The following MAP7D3 variants were observed in gnomAD, a reference collection of about 807,000 sequenced individuals.
MAP7D3 encodes MAP7 domain containing 3, also known as MAP7 domain-containing protein 3.
MAP7D3 carries 45 observed loss-of-function variants against 62.2 expected under a neutral mutation model. The observed-to-expected ratio is 0.72, with a 90% CI of 0.57 to 0.93. The LOEUF is 0.93. MAP7D3 is among the 40% of genes least tolerant of loss of function. MAP7D3 has a pLI of 0.00. For synonymous variants in MAP7D3, 288 were observed against 248.8 expected, an observed-to-expected ratio of 1.16 and a Z score of -1.48; for missense variants, 711 against 683.1, an observed-to-expected ratio of 1.04 and a Z score of -0.45.
chrX:136,235,641 C>T (rs1247953776), intron 7 of MAP7D3, among the ~76,000 whole-genome samples: 7 of 110,529 alleles, frequency 6.3e-5, no homozygotes, highest in African/African-American at 2.3e-4. Context: ...CCCAGCTACT[C>T]GGGAAGCTGA....
At chrX:136,251,626 G>A (rs2074515721), upstream of MAP7D3, 3 of 732,232 alleles carry the variant, frequency 4.1e-6, no homozygotes, top group Non-Finnish European at 4.9e-6. Context: ...ACTGCATTGT[G>A]AGGACTAGCC....
chrX:136,244,867 C>A (rs2074430164), intron 3 of MAP7D3, 72 bp from the exon 4 acceptor site: 2 of 786,262 alleles, frequency 2.5e-6, no homozygotes, highest in South Asian at 2.6e-5. Flanking sequence ...ATTACACACA[C>A]AGAAGGAAAA....
At chrX:136,214,007 G>A (rs2074046463), downstream of MAP7D3, 1 of 111,449 alleles carries the variant, frequency 9.0e-6, no homozygotes, top group African/African-American at 3.3e-5. Flanking sequence ...GTGTTGTGGT[G>A]TGTGCCTGTA....
At position 136,241,232 on chromosome X, in the gene MAP7D3, G is replaced by C. The variant is rs369377574; in HGVS notation, c.463C>G (p.Leu155Val). The change falls in exon 5 of 19, where the codon CTT becomes GTT. Residue 155 changes from leucine to valine, a missense_variant. Physicochemically the swap from Leu to Val is conservative, Grantham distance 32. Transcript: ENST00000316077. ...CTTTTTTGCTGATAATCATCAGCAA[G>C]TCTCCTCCGTTCCAAAGTACGATAA... Reference protein sequence around the residue: ...ILYRTLERRRLADDYQQKRWS... With the variant: ...ILYRTLERRRVADDYQQKRWS... 8.5e-7 allele frequency: 1 copy of C among 1,179,701 alleles called. No homozygotes were observed. The highest frequency in any genetic ancestry group is 1.8e-5 in the African/African-American group (1 of 55,993).
chrX:136,225,518 G>T (rs1200719663), intron 13 of MAP7D3, among the ~76,000 whole-genome samples: 1 of 111,721 alleles, frequency 9.0e-6, no homozygotes, highest in Non-Finnish European at 1.9e-5. Context: ...CCTGCACCTT[G>T]GCCTCTCAAA....
chrX:136,216,601 AAAAC>A (rs764525086), downstream of MAP7D3, among the ~76,000 whole-genome samples: 12 of 109,772 alleles, frequency 1.1e-4, no homozygotes, highest in African/African-American at 1.7e-4. Context: ...CCTTGTCTCT[AAAAC>A]AAACAAACAA....
intron 1 of MAP7D3, among the ~76,000 whole-genome samples, chrX:136,250,556 C>A (rs1412263720): frequency 8.9e-6 from 1 of 111,855 alleles, no homozygotes; most frequent in Non-Finnish European, 1.9e-5. Flanking sequence ...AGATGTCCCA[C>A]AGAAGATGAC....
intron 15 of MAP7D3, among the ~76,000 whole-genome samples, 163 bp from the exon 16 acceptor site, chrX:136,221,126 T>C (rs2074122558): frequency 9.2e-6 from 1 of 108,272 alleles, no homozygotes; most frequent in Non-Finnish European, 1.9e-5. Context: ...AGTCACAGAG[T>C]TTCCCAAGCC....
chrX:136,222,371 T>C (rs554895160), intron 15 of MAP7D3, 22 bp downstream of exon 15: 31 of 1,150,382 alleles, frequency 2.7e-5, no homozygotes, highest in African/African-American at 2.1e-4. Context: ...CTAAGCAGTC[T>C]AGCTCCTAAA....
rs1023099662 is a variant in MAP7D3 at position 136,219,354 on chromosome X, G to A, written c.*32+44C>T. On this transcript the variant is annotated intron_variant, in intron 18 of 18. Coordinates refer to ENST00000316077, the MANE Select transcript of MAP7D3 (RefSeq NM_024597.4). Reference sequence around the variant, plus strand: ...CTAGAAGGAGGGGAGCGGGTTCAGGGTCAATTGCCTTTCAAGAAAAAGGTA... The same window carrying A: ...CTAGAAGGAGGGGAGCGGGTTCAGGATCAATTGCCTTTCAAGAAAAAGGTA... 8 of 821,400 alleles carry A rather than the reference G, an allele frequency of 9.7e-6. No individual in the cohort carries two copies. The South Asian group carries it at 1.7e-4, about 17-fold the overall frequency. 67.7% of individuals were successfully genotyped at this position (821,400 alleles called of 1,213,427 possible).
Position 136,246,295 on chromosome X carries a change from C to G in MAP7D3, c.117G>C (p.Val39=). Residue 39 remains valine (V), a synonymous_variant, in exon 2 of 19, where the codon GTG becomes GTC. Transcript: ENST00000316077. ...EIAKERRKQD[V]VNRVATHSSN... ...AGGAATGGGTTGCAACACGATTAAC[C>G]ACATCTTGCTTCCTCCTTTCCTTAG... 8.3e-7 allele frequency: 1 copy of G among 1,205,648 alleles called. No homozygotes were observed. The highest frequency in any genetic ancestry group is 1.1e-6 in the Non-Finnish European group (1 of 890,419).
At chrX:136,236,375 T>C (rs1603280729) in intron 6 of MAP7D3, 36 bp from the exon 7 acceptor site, 2 of 836,170 alleles carry the variant, frequency 2.4e-6, no homozygotes, top group East Asian at 6.4e-5. Flanking sequence ...TTAGTTTTCA[T>C]AAACTACTAA....
intron 1 of MAP7D3, among the ~76,000 whole-genome samples, chrX:136,250,813 T>TGGCGGCGGA (rs1340139463): frequency 7.2e-5 from 8 of 111,823 alleles, no homozygotes; most frequent in African/African-American, 9.7e-5. Flanking sequence ...AAAGGCTGCC[T>TGGCGGCGGA]GGCGGCGGAG....
At chrX:136,228,442 G>A (rs1023172972) in intron 11 of MAP7D3, among the ~76,000 whole-genome samples, 181 bp downstream of exon 11, 2 of 111,493 alleles carry the variant, frequency 1.8e-5, no homozygotes, top group Non-Finnish European at 3.8e-5. Context: ...ACATACCAGG[G>A]TCCTTAGCCA....
intron 7 of MAP7D3, among the ~76,000 whole-genome samples, chrX:136,233,553 C>T (rs1439706699): frequency 2.0e-5 from 2 of 100,127 alleles, no homozygotes; most frequent in African/African-American, 7.5e-5. Flanking sequence ...GCATTACAGG[C>T]GTGAGACACC....
At chrX:136,249,324 T>C (rs2074480311) in intron 1 of MAP7D3, among the ~76,000 whole-genome samples, 1 of 112,499 alleles carries the variant, frequency 8.9e-6, no homozygotes, top group Non-Finnish European at 1.9e-5. Flanking sequence ...TATTCTAAAC[T>C]GAGAAACACT....
intron 14 of MAP7D3, among the ~76,000 whole-genome samples, chrX:136,222,859 G>T (rs1243369690): frequency 1.0e-4 from 11 of 107,325 alleles, no homozygotes; most frequent in African/African-American, 3.8e-4. Context: ...TGGGAGAGGG[G>T]AGGACAAAGC....
At chrX:136,252,693 A>G (rs929912452), upstream of MAP7D3, among the ~76,000 whole-genome samples, 1 of 72,532 alleles carries the variant, frequency 1.4e-5, no homozygotes, top group Non-Finnish European at 3.0e-5. Context: ...AAAAAAAAAA[A>G]AAAAAAGAAA....
chrX:136,253,911 G>A, upstream of MAP7D3, among the ~76,000 whole-genome samples: 1 of 109,290 alleles, frequency 9.1e-6, no homozygotes, highest in East Asian at 3.0e-4. Flanking sequence ...GGGAGGCTAA[G>A]GCAAGAGAAT....
Sources: gnomAD v4.1 joint callset for allele counts (sites outside exome capture counted in the v4.1 genomes callset) on GRCh38, gnomAD v4.1.1 for gene constraint, MANE v1.5 for transcripts, NCBI Gene and HGNC (gene_info 2026-07-23, HGNC 2026-07-21) for gene names.